Variants in SLC35F3 observed in about 807,000 individuals in gnomAD.
SLC35F3 encodes the protein solute carrier family 35 member F3.
SLC35F3 carries 25 observed loss-of-function variants against 49.9 expected under a neutral mutation model. That is an observed-to-expected ratio of 0.50 (90% confidence interval 0.37 to 0.70). SLC35F3 has a LOEUF of 0.70. SLC35F3 is among the 30% of genes least tolerant of loss of function. The pLI, the probability that SLC35F3 is intolerant of heterozygous loss-of-function variation, is 0.00. For synonymous variants in SLC35F3, 275 were observed against 265.4 expected, an observed-to-expected ratio of 1.04 and a Z score of -0.35; for missense variants, 525 against 639.8, an observed-to-expected ratio of 0.82 and a Z score of 1.94.
At chr1:234,190,256 G>A (rs532161290) in intron 2 of SLC35F3, among the ~76,000 whole-genome samples, 92 of 152,214 alleles carry the variant, frequency 6.0e-4, no homozygotes, top group African/African-American at 2.1e-3. Context: ...TAAATGCTCT[G>A]CTTAAAAAAT....
rs74147518 is a variant in SLC35F3, at chr1:234,077,894, C to T, written c.284-153523C>T. ...CTCCACCTCCAAGGGTCTTCATGAACACTTTATTCCCAGCAGATGACATTG... is the reference window on the plus strand; with the variant it reads ...CTCCACCTCCAAGGGTCTTCATGAATACTTTATTCCCAGCAGATGACATTG... On this transcript the variant is annotated intron_variant, in intron 2 of 7. Coordinates refer to ENST00000366618, the MANE Select transcript of SLC35F3 (RefSeq NM_173508.4). Among the ~76,000 whole-genome samples the T allele has an allele frequency of 3.1e-3, 466 of 152,314 alleles. 2 individuals carry two copies. The highest frequency in any genetic ancestry group is 0.011 in the African/African-American group (457 of 41,554).
chr1:234,095,596 T>G (rs996083235), intron 2 of SLC35F3, among the ~76,000 whole-genome samples: 3 of 152,232 alleles, frequency 2.0e-5, no homozygotes, highest in African/African-American at 7.2e-5. Context: ...GATAACTTTC[T>G]TAGACATTTT....
intron 2 of SLC35F3, among the ~76,000 whole-genome samples, chr1:233,961,471 T>C (rs1662801873): frequency 6.7e-6 from 1 of 149,250 alleles, no homozygotes; most frequent in East Asian, 1.9e-4. Context: ...TTTTTTTTTT[T>C]CTTGAGACAA....
intron 2 of SLC35F3, chr1:234,212,940 G>T (rs969730611): frequency 1.3e-5 from 2 of 152,230 alleles, no homozygotes; most frequent in South Asian, 2.1e-4. Flanking sequence ...AGAGGGCTCT[G>T]CAGGGACCCT....
At chr1:234,054,446 G>T (rs988355264) in intron 2 of SLC35F3, among the ~76,000 whole-genome samples, 4 of 152,242 alleles carry the variant, frequency 2.6e-5, no homozygotes, top group East Asian at 1.9e-4. Context: ...ACTGAAGCTT[G>T]TGCATGCATC....
chr1:233,935,012 C>G (rs1662301003), intron 2 of SLC35F3, among the ~76,000 whole-genome samples: 1 of 151,508 alleles, frequency 6.6e-6, no homozygotes, highest in Non-Finnish European at 1.5e-5. Context: ...GACTTCCAGG[C>G]AAGATCTCTG....
rs187541127 is a variant in SLC35F3, at chr1:234,051,675, T to C, written c.283+145917T>C. Among the ~76,000 whole-genome samples the C allele has an allele frequency of 7.9e-3, 1,209 of 152,328 alleles. 7 individuals are homozygous for C. Among genetic ancestry groups the C allele is most frequent in the Middle Eastern group, 0.02 (6 of 294 alleles). Reference sequence around the variant, plus strand: ...ACCCTGGCCAGAACTTCCAACACTATGTTGAATAGGAGTGGTGAGAGAGAG... The same window carrying C: ...ACCCTGGCCAGAACTTCCAACACTACGTTGAATAGGAGTGGTGAGAGAGAG... On this transcript the variant is annotated intron_variant, in intron 2 of 7. Coordinates refer to ENST00000366618, the MANE Select transcript of SLC35F3 (RefSeq NM_173508.4).
chr1:234,009,727 A>G (rs1663685179), intron 2 of SLC35F3, among the ~76,000 whole-genome samples: 1 of 152,194 alleles, frequency 6.6e-6, no homozygotes, highest in African/African-American at 2.4e-5. Context: ...TCAGCAGTCT[A>G]CAAAAACTGT....
chr1:234,167,817 G>A (rs1666341232), intron 2 of SLC35F3, among the ~76,000 whole-genome samples: 1 of 152,134 alleles, frequency 6.6e-6, no homozygotes, highest in Admixed American at 6.5e-5. Flanking sequence ...GAGGTGAGGT[G>A]CGCTGAGGCT....
intron 2 of SLC35F3, among the ~76,000 whole-genome samples, chr1:234,091,087 T>C (rs1665037687): frequency 6.6e-6 from 1 of 152,256 alleles, no homozygotes; most frequent in Non-Finnish European, 1.5e-5. Context: ...TGAACATGTT[T>C]GCATATAAAA....
chr1:234,189,435 C>T (rs1470575009), intron 2 of SLC35F3, among the ~76,000 whole-genome samples: 1 of 149,510 alleles, frequency 6.7e-6, no homozygotes, highest in East Asian at 2.0e-4. Flanking sequence ...TGGAAAGTCT[C>T]AGCAATAGAA....
intron 2 of SLC35F3, among the ~76,000 whole-genome samples, chr1:234,196,669 G>A (rs1474508110): frequency 6.6e-6 from 1 of 152,254 alleles, no homozygotes; most frequent in African/African-American, 2.4e-5. Flanking sequence ...GCTGGGCATG[G>A]TGGCTCACAC....
intron 2 of SLC35F3, among the ~76,000 whole-genome samples, chr1:234,190,090 G>T (rs567842732): frequency 1.6e-4 from 25 of 152,152 alleles, no homozygotes; most frequent in South Asian, 1.0e-3. Flanking sequence ...AACAAATCCT[G>T]GAAACACACC....
At chr1:233,960,122 T>C (rs1662770583) in intron 2 of SLC35F3, among the ~76,000 whole-genome samples, 1 of 152,232 alleles carries the variant, frequency 6.6e-6, no homozygotes. Flanking sequence ...TAGGTGTGGG[T>C]TCCATTCTCA....
chr1:234,129,167 C>G (rs923455260), intron 2 of SLC35F3, among the ~76,000 whole-genome samples: 2 of 152,166 alleles, frequency 1.3e-5, no homozygotes, highest in Non-Finnish European at 2.9e-5. Flanking sequence ...ACACCTCCAA[C>G]AGGACTTAAA....
intron 2 of SLC35F3, among the ~76,000 whole-genome samples, chr1:234,129,112 G>T (rs985610577): frequency 2.0e-5 from 3 of 151,750 alleles, no homozygotes; most frequent in African/African-American, 7.2e-5. Flanking sequence ...AGAGAAAGAA[G>T]GCAAGCTAGA....
chr1:234,188,550 C>T (rs1337230426), intron 2 of SLC35F3, among the ~76,000 whole-genome samples: 2 of 152,126 alleles, frequency 1.3e-5, no homozygotes, highest in South Asian at 2.1e-4. Context: ...CAAGCCCCTC[C>T]CAAGGAGAGT....
intron 2 of SLC35F3, among the ~76,000 whole-genome samples, chr1:234,177,383 TC>T (rs920819159): frequency 1.3e-5 from 2 of 152,016 alleles, no homozygotes; most frequent in African/African-American, 4.8e-5. Context: ...CCATAAATAC[TC>T]CTAAGAGGGA....
intron 2 of SLC35F3, among the ~76,000 whole-genome samples, chr1:234,184,158 C>A (rs1463848516): frequency 6.6e-6 from 1 of 151,406 alleles, no homozygotes; most frequent in Admixed American, 6.6e-5. Context: ...AAACAAAAAA[C>A]CTAAATGCAC....
Sources: allele counts gnomAD v4.1 joint callset (sites outside exome capture counted in the v4.1 genomes callset), GRCh38; gene constraint gnomAD v4.1.1; transcripts MANE v1.5; gene names NCBI Gene and HGNC (gene_info 2026-07-23, HGNC 2026-07-21).